Variants in POLE observed in about 807,000 individuals in gnomAD.
The protein encoded by POLE is DNA polymerase epsilon catalytic subunit A.
POLE carries 188 observed loss-of-function variants against 279.2 expected under a neutral mutation model. The ratio of observed to expected loss-of-function variants is 0.67; its 90% confidence interval spans 0.60 to 0.76. The LOEUF is 0.76. Ranked by LOEUF, POLE falls within the 30% of genes least tolerant of loss-of-function variation. The pLI is 0.00. For missense variants in POLE, 2,703 were observed against 3,016.7 expected, an observed-to-expected ratio of 0.90 and a Z score of 2.44; for synonymous variants, 1,214 against 1,172.5, an observed-to-expected ratio of 1.04 and a Z score of -0.72.
chr12:132,646,743 A>C (rs907152587), intron 32 of POLE, among the ~76,000 whole-genome samples: 1 of 151,978 alleles, frequency 6.6e-6, no homozygotes, highest in Non-Finnish European at 1.5e-5. Context: ...GAGGCAGGAG[A>C]ATTTCTTGAA....
chr12:132,670,665 A>G (rs1290114600), intron 16 of POLE, among the ~76,000 whole-genome samples: 1 of 147,906 alleles, frequency 6.8e-6, no homozygotes, highest in Non-Finnish European at 1.5e-5. Context: ...TAATTTTTTT[A>G]TATTTTTTTA....
At position 132,644,477 on chromosome 12, in the gene POLE, C is replaced by T. The variant is rs5744930; in HGVS notation, c.4150-500G>A. 2.7e-3 allele frequency among the ~76,000 whole-genome samples: 416 copies of T among 152,202 alleles called. 4 individuals carry two copies. The highest frequency in any genetic ancestry group is 9.0e-3 in the African/African-American group (373 of 41,530). On this transcript the variant is annotated intron_variant, in intron 32 of 48. Coordinates refer to ENST00000320574, the MANE Select transcript of POLE (RefSeq NM_006231.4). ...CTCTGGACGCAATTTTGAAAAGCAA[C>T]CTGCAGCCTCTGAGAATAGACAAGA... is the stretch of plus-strand genomic sequence containing the variant.
Position 132,667,560 on chromosome 12 carries a change from G to A in POLE, c.2262C>T (p.Tyr754=), listed in dbSNP as rs145337550. The A allele has an allele frequency of 2.9e-5, 47 of 1,613,766 alleles. No individual in the cohort carries two copies. In the East Asian group the frequency reaches 3.1e-4, roughly 11 times the overall value. Residue 754 remains tyrosine (Y), a synonymous_variant, in exon 20 of 49, where the codon TAC becomes TAT. Coordinates refer to ENST00000320574, the MANE Select transcript of POLE (RefSeq NM_006231.4). ...TTICQRENSF[Y]VDTVRAFRDR... Reference sequence around the variant, plus strand: ...CCCGGAAGGCACGCACGGTGTCCACGTAGAAGGAGTTTTCCCGCTGGCAGA... The same window carrying A: ...CCCGGAAGGCACGCACGGTGTCCACATAGAAGGAGTTTTCCCGCTGGCAGA...
At position 132,648,912 on chromosome 12, in the gene POLE, C is replaced by A. The variant is rs2138595621; in HGVS notation, c.4149+17G>T. ...GCTGCCCAGATGACTGCAGAGGCAG[C>A]ACCAGCTCCTCCCTACCTTGCGATA... On this transcript the variant is annotated intron_variant, in intron 32 of 48. Transcript: ENST00000320574. 6.2e-7 allele frequency: 1 copy of A among 1,602,260 alleles called. No homozygotes were observed. Among genetic ancestry groups the A allele is most frequent in the Admixed American group, 1.7e-5 (1 of 59,472 alleles).
At chr12:132,658,556 G>A (rs2042601236) in intron 26 of POLE, 1 of 153,020 alleles carries the variant, frequency 6.5e-6, no homozygotes, top group Non-Finnish European at 1.5e-5. Context: ...GAAGACTCAG[G>A]CTGCTTTCTA....
At chr12:132,643,379 CAT>C in intron 34 of POLE, 26 bp downstream of exon 34, 1 of 1,614,220 alleles carries the variant, frequency 6.2e-7, no homozygotes, top group Non-Finnish European at 8.5e-7. Context: ...GAGGCAGGCA[CAT>C]GATGGGCGGC....
intron 8 of POLE, 103 bp from the exon 9 acceptor site, chr12:132,676,756 A>G (rs778950579): frequency 1.4e-6 from 1 of 733,914 alleles, no homozygotes; most frequent in South Asian, 1.5e-5. Context: ...TTGTTAAAAG[A>G]GTCAAAAGGC....
At position 132,629,399 on chromosome 12, in the gene POLE, T is replaced by C. The variant is rs565290430; in HGVS notation, c.6330+2916A>G. On this transcript the variant is annotated intron_variant, in intron 45 of 48. Coordinates refer to ENST00000320574, the MANE Select transcript of POLE (RefSeq NM_006231.4). The stretch of plus-strand genomic sequence containing the variant: ...GCATCTTCTTCCAAAAGAAGGCTGT[T>C]TTGTCTACACGGAAAATATGTTGTC... Among the ~76,000 whole-genome samples the C allele has an allele frequency of 1.9e-3, 283 of 152,342 alleles. 1 individual carries two copies. Among genetic ancestry groups the C allele is most frequent in the Non-Finnish European group, 3.4e-3 (230 of 68,042 alleles).
At position 132,643,997 on chromosome 12, in the gene POLE, G is replaced by A. The variant is rs1193841128; in HGVS notation, c.4150-20C>T. On this transcript the variant is annotated intron_variant, in intron 32 of 48. Transcript: ENST00000320574. ...ATTTACCTGGCGAGAATACGACGAT[G>A]ATCTCGTCACTGGGCGTAAGTGGTA... The A allele has an allele frequency of 6.2e-7, 1 of 1,608,100 alleles. No individual in the cohort carries two copies. The highest frequency in any genetic ancestry group is 2.2e-5 in the East Asian group (1 of 44,744).
At chr12:132,683,334 G>A (rs4128449) in intron 1 of POLE, among the ~76,000 whole-genome samples, 9 of 151,872 alleles carry the variant, frequency 5.9e-5, no homozygotes, top group African/African-American at 1.2e-4. Flanking sequence ...GAGAGGGTAG[G>A]GGGGAGAGGA....
At position 132,657,129 on chromosome 12, in the gene POLE, C is replaced by A. The variant is rs558837073; in HGVS notation, c.3582+7G>T. 1.2e-6 allele frequency: 2 copies of A among 1,613,886 alleles called. No individual in the cohort carries two copies. The highest frequency in any genetic ancestry group is 2.2e-5 in the East Asian group (1 of 44,866). On this transcript the variant is annotated splice_region_variant and intron_variant, in intron 29 of 48. Transcript: ENST00000320574. ...CGCCCAGCCCAGCCTTGGGGCCCCACCGTCACCTGTCTCCTGCCCTCCAGG... is the reference window on the plus strand; with the variant it reads ...CGCCCAGCCCAGCCTTGGGGCCCCAACGTCACCTGTCTCCTGCCCTCCAGG...
intron 43 of POLE, 182 bp from the exon 44 acceptor site, chr12:132,632,977 A>T (rs2041965096): frequency 1.6e-6 from 1 of 631,814 alleles, no homozygotes; most frequent in Admixed American, 3.4e-5. Flanking sequence ...AGTGGAAATG[A>T]GAAGGAACAC....
Position 132,634,254 on chromosome 12 carries a change from T to G in POLE, c.5936A>C (p.Asn1979Thr), listed in dbSNP as rs775893052. Residue 1979 changes from asparagine (N) to threonine (T), a missense_variant, in exon 43 of 49, where the codon AAC becomes ACC. Physicochemically the swap from Asn to Thr is moderately conservative, Grantham distance 65. Coordinates refer to ENST00000320574, the MANE Select transcript of POLE (RefSeq NM_006231.4). The surrounding 1 kb of genome is among the most constrained non-coding windows in gnomAD (Gnocchi z 4.0). The part of the protein sequence containing the change: ...ESNVEDLLEN[N>T]WNILQFLPQA... ...TGGCAAAAACTGCAAAATGTTCCAGTTGTTTTCCAGTAAATCCTCCACGTT... is the reference window on the plus strand; with the variant it reads ...TGGCAAAAACTGCAAAATGTTCCAGGTGTTTTCCAGTAAATCCTCCACGTT... 6.2e-7 allele frequency: 1 copy of G among 1,614,184 alleles called. No individual in the cohort carries two copies. Among genetic ancestry groups the G allele is most frequent in the Non-Finnish European group, 8.5e-7 (1 of 1,180,002 alleles).
intron 5 of POLE, 58 bp from the exon 6 acceptor site, chr12:132,679,709 G>C (rs375271440): frequency 6.4e-7 from 1 of 1,557,896 alleles, no homozygotes; most frequent in Non-Finnish European, 8.8e-7. Flanking sequence ...TTATGGGTGA[G>C]AGGGTAAACA....
intron 29 of POLE, among the ~76,000 whole-genome samples, chr12:132,654,715 C>T (rs2042496257): frequency 6.6e-6 from 1 of 152,104 alleles, no homozygotes; most frequent in Admixed American, 6.5e-5. Context: ...TCAATTGAGC[C>T]TGGGAGGTCA....
At chr12:132,670,221 A>G (rs888163804) in intron 16 of POLE, among the ~76,000 whole-genome samples, 3 of 151,096 alleles carry the variant, frequency 2.0e-5, no homozygotes, top group Non-Finnish European at 4.4e-5. Context: ...AAATACAAAA[A>G]AAAAATTACC....
At chr12:132,646,525 TAAAA>T (rs57636810) in intron 32 of POLE, among the ~76,000 whole-genome samples, 4 of 144,686 alleles carry the variant, frequency 2.8e-5, no homozygotes, top group East Asian at 2.0e-4. Context: ...TTTCTTCCTT[TAAAA>T]AAAAAAAAAA....
chr12:132,681,447 C>T (rs1363551844), intron 1 of POLE, among the ~76,000 whole-genome samples, 168 bp from the exon 2 acceptor site: 1 of 151,856 alleles, frequency 6.6e-6, no homozygotes, highest in Non-Finnish European at 1.5e-5. Flanking sequence ...GGGTTCACGC[C>T]ATTCTCCTGC....
intron 1 of POLE, among the ~76,000 whole-genome samples, chr12:132,685,894 G>A (rs1323080685): frequency 1.3e-5 from 2 of 150,414 alleles, no homozygotes; most frequent in Admixed American, 1.3e-4. Flanking sequence ...TTTTTTTTGA[G>A]ACAGAGTTTC....
Sources: allele counts gnomAD v4.1 joint callset (sites outside exome capture counted in the v4.1 genomes callset), GRCh38; gene constraint gnomAD v4.1.1; non-coding constraint Gnocchi (gnomAD v3.1); transcripts MANE v1.5; gene names NCBI Gene and HGNC (gene_info 2026-07-23, HGNC 2026-07-21).